The following CCDC40 variants were observed in gnomAD, a reference collection of about 807,000 sequenced individuals.
CCDC40 encodes coiled-coil domain 40 molecular ruler complex subunit.
Under a neutral mutation model 124.5 loss-of-function variants are expected in CCDC40, and 104 were observed. The ratio of observed to expected loss-of-function variants is 0.84; its 90% CI spans 0.71 to 0.98. CCDC40 has a LOEUF of 0.98. Ranked by LOEUF, CCDC40 falls within the 50% of genes least tolerant of loss-of-function variation. CCDC40 has a pLI of 0.00. For synonymous variants in CCDC40, 580 were observed against 602.9 expected, an observed-to-expected ratio of 0.96 and a Z score of 0.56; for missense variants, 1,463 against 1,503.9, an observed-to-expected ratio of 0.97 and a Z score of 0.45.
At chr17:80,079,845 C>T (rs184088333) in intron 10 of CCDC40, among the ~76,000 whole-genome samples, 6 of 150,122 alleles carry the variant, frequency 4.0e-5, no homozygotes, top group African/African-American at 1.5e-4. Flanking sequence ...GCATGAGAAT[C>T]GCTTGAACCC....
chr17:80,063,345 A>G (rs10083833), intron 9 of CCDC40, among the ~76,000 whole-genome samples: 11,799 of 152,190 alleles, frequency 0.078, 1,476 homozygotes, highest in African/African-American at 0.26. Flanking sequence ...TGCACATTCT[A>G]TTTGCATAGG....
chr17:80,096,102 G>A (rs978861929), intron 18 of CCDC40, among the ~76,000 whole-genome samples: 1 of 152,236 alleles, frequency 6.6e-6, no homozygotes, highest in African/African-American at 2.4e-5. Flanking sequence ...GAGTATGTGG[G>A]CCTTGCCAGA....
Position 80,087,948 on chromosome 17 carries a change from C to A in CCDC40, c.2620-63C>A. The A allele has an allele frequency of 7.2e-7, 1 of 1,382,442 alleles. No homozygotes were observed. 85.6% of individuals were successfully genotyped at this position (1,382,442 alleles called of 1,614,324 possible). A position where few individuals can be genotyped will look rare whatever the true frequency, so the allele number is the denominator to read the frequency against. The stretch of plus-strand genomic sequence containing the variant: ...CCCTCGGTGCCGGGATAGAGGGCAC[C>A]AGCCCCGGCATCCACAATCCCATGG... On this transcript the variant is annotated intron_variant, in intron 15 of 19. Transcript: ENST00000397545. This position sits in a 1 kb window ranked among gnomAD's most constrained non-coding sequence, Gnocchi z 4.5.
intron 19 of CCDC40, among the ~76,000 whole-genome samples, 168 bp from the exon 20 acceptor site, chr17:80,099,359 T>C (rs1205243279): frequency 1.3e-5 from 2 of 151,860 alleles, no homozygotes; most frequent in Non-Finnish European, 2.9e-5. Context: ...CCAGTGCCTC[T>C]CAGCCTCTTC....
intron 3 of CCDC40, among the ~76,000 whole-genome samples, chr17:80,041,591 A>G (rs1006089919): frequency 1.3e-5 from 2 of 152,100 alleles, no homozygotes; most frequent in Non-Finnish European, 2.9e-5. Flanking sequence ...CAAATGTCCC[A>G]ATGATGTCTT....
At chr17:80,037,700 T>TATATATATATATATATATAG (rs2037149548) in intron 1 of CCDC40, among the ~76,000 whole-genome samples, 1 of 130,504 alleles carries the variant, frequency 7.7e-6, no homozygotes, top group Non-Finnish European at 1.7e-5. Context: ...GATATACATA[T>TATATATATATATATATATAG]ATATATATAT....
Position 80,081,309 on chromosome 17 carries a change from C to T in CCDC40, c.1563-237C>T, listed in dbSNP as rs113095110. 0.06 allele frequency: 15,467 copies of T among 259,716 alleles called. 738 individuals carry two copies. The highest frequency in any genetic ancestry group is 0.076 in the Non-Finnish European group (10,137 of 132,598). 16.1% of individuals were successfully genotyped at this position (259,716 alleles called of 1,614,324 possible). A position where few individuals can be genotyped will look rare whatever the true frequency, so the allele number is the denominator to read the frequency against. ...TTGAGGCATGAGACTCGCTTGAACC[C>T]GGCAGGCGGAGGTTGCAGTGAACCG... On this transcript the variant is annotated intron_variant, in intron 10 of 19. Transcript: ENST00000397545.
At chr17:80,085,117 C>T (rs895987324) in intron 13 of CCDC40, 129 bp downstream of exon 13, 2 of 1,223,320 alleles carry the variant, frequency 1.6e-6, no homozygotes, top group Non-Finnish European at 2.3e-6. Context: ...TCCCTACCTG[C>T]TTTACAGACA....
rs778936852 is a variant in CCDC40, at chr17:80,087,802, G to C, written c.2619+26G>C. Reference sequence around the variant, plus strand: ...GTCCGGCCGTGTCCACGCAGTCCCGGGGCTCAGGACGATGGAGGGCGGGGG... The same window carrying C: ...GTCCGGCCGTGTCCACGCAGTCCCGCGGCTCAGGACGATGGAGGGCGGGGG... On this transcript the variant is annotated intron_variant, in intron 15 of 19. Coordinates refer to ENST00000397545, the MANE Select transcript of CCDC40 (RefSeq NM_017950.4). This position sits in a 1 kb window ranked among gnomAD's most constrained non-coding sequence, Gnocchi z 4.5. 1.4e-5 allele frequency: 22 copies of C among 1,611,388 alleles called. No homozygotes were observed. The highest frequency in any genetic ancestry group is 3.4e-6 in the Non-Finnish European group (4 of 1,177,862).
At chr17:80,080,159 A>G (rs1267063279) in intron 10 of CCDC40, among the ~76,000 whole-genome samples, 1 of 151,630 alleles carries the variant, frequency 6.6e-6, no homozygotes, top group Admixed American at 6.6e-5. Flanking sequence ...ATGCCATTGC[A>G]CTCTAGCCTG....
At chr17:80,095,480 G>T (rs758307213) in intron 18 of CCDC40, 29 bp downstream of exon 18, 3 of 1,598,742 alleles carry the variant, frequency 1.9e-6, no homozygotes, top group East Asian at 2.2e-5. Flanking sequence ...GAAACAGGGC[G>T]CCTGCTCCTC....
intron 13 of CCDC40, among the ~76,000 whole-genome samples, chr17:80,085,234 C>A (rs982724093): frequency 4.6e-5 from 7 of 152,270 alleles, no homozygotes; most frequent in African/African-American, 1.7e-4. Context: ...ACGGCTCTGC[C>A]TCCATAGCGA....
chr17:80,047,620 C>A lies in CCDC40; in HGVS notation c.676+218C>A, dbSNP rs7223648. Among the ~76,000 whole-genome samples the A allele has an allele frequency of 0.32, 48,685 of 152,116 alleles. 10,577 individuals are homozygous for A. Among genetic ancestry groups the A allele is most frequent in the African/African-American group, 0.62 (25,870 of 41,496 alleles). On this transcript the variant is annotated intron_variant, in intron 4 of 19. Coordinates refer to ENST00000397545, the MANE Select transcript of CCDC40 (RefSeq NM_017950.4). ...AACAGTGACCGATGAAGTAGGAATCCTTCTCCATTTAACAGACAGGTTCCC... is the reference window on the plus strand; with the variant it reads ...AACAGTGACCGATGAAGTAGGAATCATTCTCCATTTAACAGACAGGTTCCC...
chr17:80,095,584 AC>A, intron 18 of CCDC40, 133 bp downstream of exon 18: 2 of 811,644 alleles, frequency 2.5e-6, no homozygotes, highest in Non-Finnish European at 4.0e-6. Context: ...AGCACTGCTA[AC>A]CTGCTGCTGG....
intron 7 of CCDC40, among the ~76,000 whole-genome samples, chr17:80,056,563 A>G (rs374950409): frequency 2.7e-4 from 41 of 152,258 alleles, no homozygotes; most frequent in African/African-American, 9.4e-4. Context: ...GCGGTGAGCT[A>G]TGATTGTGCG....
At chr17:80,042,380 A>G (rs1179647367) in intron 3 of CCDC40, among the ~76,000 whole-genome samples, 2 of 152,186 alleles carry the variant, frequency 1.3e-5, no homozygotes, top group African/African-American at 2.4e-5. Context: ...GCAGCTTCCC[A>G]AAGTGTTGGG....
In CCDC40 at chr17:80,099,867, A is replaced by C; in HGVS notation, c.*92A>C. On this transcript the variant is annotated 3_prime_UTR_variant, in exon 20 of 20. Coordinates refer to ENST00000397545, the MANE Select transcript of CCDC40 (RefSeq NM_017950.4). ...GACTTGGAATCTTTTGTGTTCCTAA[A>C]AACCACATGTACCCTCAGAAGGGCA... 1 of 1,418,862 alleles carries C rather than the reference A, an allele frequency of 7.0e-7. No individual in the cohort carries two copies. The highest frequency in any genetic ancestry group is 9.7e-7 in the Non-Finnish European group (1 of 1,027,148). 87.9% of individuals were successfully genotyped at this position (1,418,862 alleles called of 1,614,324 possible). A position where few individuals can be genotyped will look rare whatever the true frequency, so the allele number is the denominator to read the frequency against.
chr17:80,090,455 GT>G (rs2038703895), intron 17 of CCDC40: 3 of 1,377,514 alleles, frequency 2.2e-6, no homozygotes, highest in African/African-American at 3.1e-5. Context: ...ACACAAGCAC[GT>G]GCATGAACAA....
chr17:80,052,189 T>C (rs2037618665), intron 7 of CCDC40, among the ~76,000 whole-genome samples: 1 of 152,084 alleles, frequency 6.6e-6, no homozygotes, highest in South Asian at 2.1e-4. Flanking sequence ...GATAGATATA[T>C]AGAGAAAGGA....
Sources: allele counts gnomAD v4.1 joint callset (sites outside exome capture counted in the v4.1 genomes callset), GRCh38; gene constraint gnomAD v4.1.1; non-coding constraint Gnocchi (gnomAD v3.1); transcripts MANE v1.5; gene names NCBI Gene and HGNC (gene_info 2026-07-23, HGNC 2026-07-21).